Variants in ZNF503 observed in about 807,000 individuals in gnomAD.
ZNF503 encodes the protein zinc finger protein 503, also known as NocA-like zinc finger 2.
ZNF503 carries 15 observed loss-of-function variants against 34.4 expected under a neutral mutation model. The ratio of observed to expected loss-of-function variants is 0.44; its 90% CI spans 0.29 to 0.67. ZNF503 has a LOEUF of 0.67. Among genes scored for constraint, ZNF503 ranks in the 30% least tolerant of loss-of-function variants. The pLI, the probability that ZNF503 is intolerant of heterozygous loss-of-function variation, is 0.13. For synonymous variants in ZNF503, 580 were observed against 456.8 expected (o/e 1.27, Z -3.44); for missense variants, 1,007 against 926.8 (o/e 1.09, Z -1.12).
the ZNF503 span, among the ~76,000 whole-genome samples, chr10:75,342,184 G>A: frequency 2.6e-5 from 4 of 151,826 alleles, no homozygotes; most frequent in Non-Finnish European, 4.4e-5. Context: ...GCTGGGTGGG[G>A]TGGGGTGGGC....
the ZNF503 span, among the ~76,000 whole-genome samples, chr10:75,379,077 C>T: frequency 6.6e-6 from 1 of 152,118 alleles, no homozygotes; most frequent in East Asian, 1.9e-4. Context: ...CCTCCCGTTC[C>T]TATTAATAAA....
At chr10:75,319,551 T>A in the ZNF503 span, among the ~76,000 whole-genome samples, 1 of 151,840 alleles carries the variant, frequency 6.6e-6, no homozygotes, top group Non-Finnish European at 1.5e-5. Context: ...TTTCAAAAAG[T>A]CAAGTAACTG....
At chr10:75,348,099 A>G in the ZNF503 span, among the ~76,000 whole-genome samples, 3 of 148,262 alleles carry the variant, frequency 2.0e-5, no homozygotes, top group African/African-American at 5.1e-5. Flanking sequence ...GTCTTGCTCT[A>G]TCATCCAGGC....
chr10:75,364,324 G>A, the ZNF503 span, among the ~76,000 whole-genome samples: 1 of 152,084 alleles, frequency 6.6e-6, no homozygotes, highest in Non-Finnish European at 1.5e-5. Flanking sequence ...CCCACCCAAA[G>A]CCTGCTTTCC....
the ZNF503 span, among the ~76,000 whole-genome samples, chr10:75,285,224 G>A: frequency 6.6e-6 from 1 of 152,182 alleles, no homozygotes; most frequent in African/African-American, 2.4e-5. Context: ...AGTTGGTGCT[G>A]GTACCATCTC....
chr10:75,399,187 G>A lies in ZNF503; in HGVS notation c.1503C>T (p.Tyr501=), dbSNP rs1423808629. The change falls in exon 2 of 2, where the codon TAC becomes TAT. Residue 501 remains tyrosine, a synonymous_variant. Transcript: ENST00000372524. ...CGTTAGGGAGCATAAAGCCGTAGGG[G>A]TAGAGGGGGTGGCCGGCCAGGGAGG... is the stretch of plus-strand genomic sequence containing the variant. The part of the protein sequence containing the change: ...TPPSLAGHPL[Y]PYGFMLPNDP... The A allele has an allele frequency of 3.1e-6, 5 of 1,605,234 alleles. No homozygotes were observed. The South Asian group carries it at 3.3e-5, about 11-fold the overall frequency.
At chr10:75,299,945 G>A in the ZNF503 span, among the ~76,000 whole-genome samples, 1 of 152,316 alleles carries the variant, frequency 6.6e-6, no homozygotes, top group East Asian at 1.9e-4. Context: ...GAAGTTTTGG[G>A]CACCATTGTC....
chr10:75,360,935 A>G, the ZNF503 span: 3 of 152,366 alleles, frequency 2.0e-5, no homozygotes, highest in East Asian at 5.8e-4. Flanking sequence ...AGGTAGAGAG[A>G]GAGACAGGCC....
chr10:75,382,367 C>T, the ZNF503 span: 1 of 280,284 alleles, frequency 3.6e-6, no homozygotes, highest in South Asian at 5.0e-5. Context: ...TTTCATGTTT[C>T]CTGGAGGTAA....
rs1244709707 is a variant in ZNF503 at position 75,401,156 on chromosome 10, C to T, written c.264G>A (p.Leu88=). Residue 88 remains leucine, a synonymous_variant, in exon 1 of 2, where the codon TTG becomes TTA. Transcript: ENST00000372524. ...GCAGGGGCTGCAGGTACTCGGGGTG[C>T]AAAATGTGGCCAGTTCGTGCCGTCA... is the stretch of plus-strand genomic sequence containing the variant. ...KMLTARTGHI[L]HPEYLQPLPS... 3 of 1,611,620 alleles carry T rather than the reference C, an allele frequency of 1.9e-6. No individual in the cohort carries two copies. In the African/African-American group the frequency reaches 4.0e-5, roughly 22 times the overall value.
the ZNF503 span, chr10:75,350,420 C>G: frequency 6.6e-6 from 1 of 152,208 alleles, no homozygotes; most frequent in Admixed American, 6.5e-5. Context: ...CGTGTGAAAC[C>G]TGAAGTCCCC....
At chr10:75,307,854 G>A in the ZNF503 span, among the ~76,000 whole-genome samples, 2 of 152,180 alleles carry the variant, frequency 1.3e-5, no homozygotes, top group East Asian at 3.8e-4. Flanking sequence ...CGAGGCGGGA[G>A]GATCACTTGA....
the ZNF503 span, among the ~76,000 whole-genome samples, chr10:75,370,215 T>C: frequency 3.9e-5 from 6 of 152,164 alleles, no homozygotes; most frequent in Non-Finnish European, 1.5e-5. Flanking sequence ...TTAAAAACAC[T>C]AAGCTAATAC....
At chr10:75,356,910 C>T in the ZNF503 span, among the ~76,000 whole-genome samples, 31 of 152,204 alleles carry the variant, frequency 2.0e-4, no homozygotes, top group East Asian at 5.8e-3. Context: ...GTAGGCGTGT[C>T]GAACAGTTTC....
the ZNF503 span, among the ~76,000 whole-genome samples, chr10:75,322,212 C>T: frequency 6.6e-6 from 1 of 151,620 alleles, no homozygotes; most frequent in African/African-American, 2.4e-5. Flanking sequence ...CAAACTCCGC[C>T]TCCTGGGTTC....
chr10:75,289,072 G>A, the ZNF503 span, among the ~76,000 whole-genome samples: 1 of 152,160 alleles, frequency 6.6e-6, no homozygotes, highest in Non-Finnish European at 1.5e-5. Flanking sequence ...GCCCTGGAGG[G>A]TGAATCTTCC....
At chr10:75,377,219 A>G in the ZNF503 span, among the ~76,000 whole-genome samples, 1 of 152,188 alleles carries the variant, frequency 6.6e-6, no homozygotes, top group Non-Finnish European at 1.5e-5. Context: ...AGCTCCAGAG[A>G]AGGGCCTTTC....
At chr10:75,378,349 T>A in the ZNF503 span, among the ~76,000 whole-genome samples, 1 of 152,182 alleles carries the variant, frequency 6.6e-6, no homozygotes, top group South Asian at 2.1e-4. Context: ...GAAGGATGGC[T>A]GGGCGAAGGT....
downstream of ZNF503, among the ~76,000 whole-genome samples, chr10:75,393,666 G>C (rs886807967): frequency 6.6e-6 from 1 of 152,160 alleles, no homozygotes; most frequent in East Asian, 1.9e-4. Context: ...AGACCAGCCT[G>C]GCCAACATGG....
Sources: allele counts gnomAD v4.1 joint callset (sites outside exome capture counted in the v4.1 genomes callset), GRCh38; gene constraint gnomAD v4.1.1; transcripts MANE v1.5; gene names NCBI Gene and HGNC (gene_info 2026-07-23, HGNC 2026-07-21).